The following CSMD1 variants were observed in gnomAD, a reference collection of about 807,000 sequenced individuals.
The protein encoded by CSMD1 is CUB and Sushi multiple domains 1.
In CSMD1, 213 loss-of-function variants were observed where a neutral mutation model predicts 417.5. The observed-to-expected ratio is 0.51, with a 90% CI of 0.46 to 0.57. The LOEUF is 0.57. CSMD1 is among the 20% of genes least tolerant of loss of function. CSMD1 has a pLI of 0.00. For synonymous variants in CSMD1, 2,862 were observed against 1,736.8 expected (o/e 1.65, Z -16.11); for missense variants, 6,923 against 4,529.7 (o/e 1.53, Z -15.17).
intron 49 of CSMD1, among the ~76,000 whole-genome samples, chr8:3,064,877 A>G (rs182444207): frequency 2.6e-4 from 40 of 151,276 alleles, no homozygotes; most frequent in African/African-American, 9.5e-4. Flanking sequence ...TTCAGAATCA[A>G]GGACCAAAAA....
chr8:4,462,578 C>T (rs936989234), intron 2 of CSMD1, among the ~76,000 whole-genome samples: 2 of 152,116 alleles, frequency 1.3e-5, no homozygotes, highest in Non-Finnish European at 2.9e-5. Context: ...TCATACCTAC[C>T]TGATTCAGCA....
chr8:3,111,129 C>G (rs1563055002), intron 42 of CSMD1, among the ~76,000 whole-genome samples: 1 of 152,146 alleles, frequency 6.6e-6, no homozygotes, highest in Non-Finnish European at 1.5e-5. Context: ...GTTCACAACT[C>G]TCTTGAACCT....
intron 2 of CSMD1, among the ~76,000 whole-genome samples, chr8:4,559,861 C>A (rs553412436): frequency 6.6e-6 from 1 of 152,340 alleles, no homozygotes; most frequent in South Asian, 2.1e-4. Context: ...CTTCATGCCC[C>A]TTCTCCAGGA....
In CSMD1 at chr8:4,902,703, C is replaced by T. The variant is rs74778093; in HGVS notation, c.85+91629G>A. 6.5e-3 allele frequency among the ~76,000 whole-genome samples: 986 copies of T among 152,050 alleles called. 12 individuals are homozygous for T. Among genetic ancestry groups the T allele is most frequent in the African/African-American group, 0.023 (940 of 41,508 alleles). Reference sequence around the variant, plus strand: ...GAATAGGTGATATACGCACATGATACAAAATTCTACATATATCAAAATATA... The same window carrying T: ...GAATAGGTGATATACGCACATGATATAAAATTCTACATATATCAAAATATA... On this transcript the variant is annotated intron_variant, in intron 1 of 69. Transcript: ENST00000635120.
intron 56 of CSMD1, among the ~76,000 whole-genome samples, chr8:2,973,689 G>T (rs1016419929): frequency 1.1e-4 from 16 of 151,808 alleles, no homozygotes; most frequent in African/African-American, 3.9e-4. Context: ...AGTCAAAGGA[G>T]AGGTTTAGCT....
At chr8:3,715,947 G>C (rs911402071) in intron 6 of CSMD1, among the ~76,000 whole-genome samples, 2 of 152,194 alleles carry the variant, frequency 1.3e-5, no homozygotes, top group Non-Finnish European at 2.9e-5. Context: ...GGACATGATG[G>C]AGGAAACCCC....
At chr8:4,631,619 C>G (rs1487477466) in intron 2 of CSMD1, among the ~76,000 whole-genome samples, 3 of 151,954 alleles carry the variant, frequency 2.0e-5, no homozygotes, top group South Asian at 2.1e-4. Context: ...GGTGTGTAAC[C>G]TAACTATCCA....
intron 10 of CSMD1, among the ~76,000 whole-genome samples, chr8:3,541,502 C>G (rs977217212): frequency 6.6e-6 from 1 of 151,240 alleles, no homozygotes; most frequent in Non-Finnish European, 1.5e-5. Flanking sequence ...CAAATCTGCA[C>G]CTCCTGCACA....
At chr8:3,168,195 A>G (rs1316660419) in intron 37 of CSMD1, among the ~76,000 whole-genome samples, 1 of 152,344 alleles carries the variant, frequency 6.6e-6, no homozygotes, top group East Asian at 1.9e-4. Context: ...ATACAGGCGC[A>G]TACAGACACC....
In CSMD1 at chr8:3,259,914, C is replaced by T. The variant is rs554493561; in HGVS notation, c.4153+24230G>A. Among the ~76,000 whole-genome samples the T allele has an allele frequency of 5.3e-5, 8 of 152,246 alleles. 1 individual carries two copies. Among genetic ancestry groups the T allele is most frequent in the Admixed American group, 5.2e-4 (8 of 15,292 alleles). The stretch of plus-strand genomic sequence containing the variant: ...AAATTCAAACACATCTCTGACCACT[C>T]ATACATGCGTTGTCTGTAGCTGCCT... On this transcript the variant is annotated intron_variant, in intron 26 of 69. Coordinates refer to ENST00000635120, the MANE Select transcript of CSMD1 (RefSeq NM_033225.6).
At chr8:2,974,745 C>G (rs995370841) in intron 55 of CSMD1, 121 bp from the exon 56 acceptor site, 2 of 560,564 alleles carry the variant, frequency 3.6e-6, no homozygotes, top group African/African-American at 3.8e-5. Context: ...CCTAAATATT[C>G]TGGTACTTAT....
At chr8:4,432,588 C>G (rs1295469463) in intron 2 of CSMD1, among the ~76,000 whole-genome samples, 2 of 152,136 alleles carry the variant, frequency 1.3e-5, no homozygotes, top group African/African-American at 4.8e-5. Context: ...CAGTAAAGCT[C>G]ACTCCTTTTG....
chr8:4,412,228 G>A (rs996206581), intron 3 of CSMD1, among the ~76,000 whole-genome samples: 5 of 152,188 alleles, frequency 3.3e-5, no homozygotes, highest in African/African-American at 9.6e-5. Context: ...TTGGAGGTAG[G>A]GCCTGGTAGG....
At position 4,421,598 on chromosome 8, in the gene CSMD1, G is replaced by C. The variant is rs117974757; in HGVS notation, c.303-1533C>G. Among the ~76,000 whole-genome samples, 718 of 152,064 alleles carry C rather than the reference G, an allele frequency of 4.7e-3. 6 individuals are homozygous for C. The highest frequency in any genetic ancestry group is 7.2e-3 in the Non-Finnish European group (492 of 67,948). On this transcript the variant is annotated intron_variant, in intron 2 of 69. Transcript: ENST00000635120. The stretch of plus-strand genomic sequence containing the variant: ...ACTTCTAAATAATCCAGGGGCCAAA[G>C]AGAAAGTCTCAAGGAAAATAAAAAT...
intron 41 of CSMD1, chr8:3,127,955 G>C (rs938378651): frequency 7.8e-6 from 1 of 128,442 alleles, no homozygotes; most frequent in African/African-American, 2.9e-5. Flanking sequence ...AAGGAAGGAA[G>C]GAAAGAGGGA....
chr8:3,919,422 T>G lies in CSMD1; in HGVS notation c.818+78481A>C, dbSNP rs1809070836. Among the ~76,000 whole-genome samples, 3 of 152,116 alleles carry G rather than the reference T, an allele frequency of 2.0e-5. No individual in the cohort carries two copies. In the South Asian group the frequency reaches 6.2e-4, roughly 31 times the overall value. On this transcript the variant is annotated intron_variant, in intron 5 of 69. Transcript: ENST00000635120. ...TTTCCCCCATTGTGTCTTTTTGGCA[T>G]GTTTTTTGGTTAGTTGGCAGTTTTT...
chr8:3,260,087 A>G (rs992841067), intron 26 of CSMD1, among the ~76,000 whole-genome samples: 1 of 152,144 alleles, frequency 6.6e-6, no homozygotes, highest in African/African-American at 2.4e-5. Flanking sequence ...TTTTGCATTT[A>G]TATGGCATTT....
Position 3,795,900 on chromosome 8 carries a change from TATATCATGTACAGATATAG to T in CSMD1, c.819-41877_819-41859del, listed in dbSNP as rs1359125520. On this transcript the variant is annotated intron_variant, in intron 5 of 69. Transcript: ENST00000635120. The stretch of plus-strand genomic sequence containing the variant: ...TATATATCTATCATGTACAGATATA[TATATCATGTACAGATATAG>T]ATATCTATCATGTACAGATATAGAT... 2.2e-4 allele frequency among the ~76,000 whole-genome samples: 13 copies of T among 58,386 alleles called. 4 individuals are homozygous for T. The South Asian group carries it at 2.6e-3, about 12-fold the overall frequency. The allele number at this position is 58,386 out of a possible 152,430, so 38.3% of individuals were successfully genotyped here. A position where few individuals can be genotyped will look rare whatever the true frequency, so the allele number is the denominator to read the frequency against.
At chr8:4,390,497 T>TTTTATTTATTTATTTA (rs142679522) in intron 3 of CSMD1, among the ~76,000 whole-genome samples, 9,427 of 140,192 alleles carry the variant, frequency 0.067, 336 homozygotes, top group Middle Eastern at 0.11. Context: ...AAGCGTCCAT[T>TTTTATTTATTTATTTA]TTTATTTATT....
Sources: gnomAD v4.1 joint callset for allele counts (sites outside exome capture counted in the v4.1 genomes callset) on GRCh38, gnomAD v4.1.1 for gene constraint, MANE v1.5 for transcripts, NCBI Gene and HGNC (gene_info 2026-07-23, HGNC 2026-07-21) for gene names.